LMNB2: variants seen among roughly 807,000 people sequenced by gnomAD.
The protein encoded by LMNB2 is lamin B2.
In LMNB2, 17 loss-of-function variants were observed where a neutral mutation model predicts 69.3. The observed-to-expected ratio is 0.25, with a 90% CI of 0.17 to 0.37. The LOEUF (loss-of-function observed/expected upper bound fraction) is 0.37, where lower values mean the gene tolerates loss of function less well. Among genes scored for constraint, LMNB2 ranks in the 10% least tolerant of loss-of-function variants. The probability of loss-of-function intolerance (pLI) is 1.00; values close to 1 mark genes in which losing one functional copy is unlikely to be tolerated. For synonymous variants in LMNB2, 397 were observed against 389.3 expected (o/e 1.02, Z -0.23); for missense variants, 789 against 883.6 (o/e 0.89, Z 1.36).
chr19:2,455,751 C>T (rs1041611676), intron 1 of LMNB2, among the ~76,000 whole-genome samples: 56 of 151,860 alleles, frequency 3.7e-4, no homozygotes, highest in African/African-American at 1.3e-3. Context: ...CAAGGGGTCC[C>T]CCAAGATCTC....
chr19:2,451,689 C>G (rs747011363), intron 1 of LMNB2, among the ~76,000 whole-genome samples: 1 of 152,206 alleles, frequency 6.6e-6, no homozygotes, highest in South Asian at 2.1e-4. Context: ...ACATGTGGGC[C>G]TGGCAGGGCT....
At chr19:2,450,564 G>C (rs1421189232) in intron 1 of LMNB2, among the ~76,000 whole-genome samples, 1 of 151,808 alleles carries the variant, frequency 6.6e-6, no homozygotes, top group Non-Finnish European at 1.5e-5. Context: ...GATCACCTGA[G>C]GTCAGGAATT....
At chr19:2,455,257 C>A (rs144139163) in intron 1 of LMNB2, among the ~76,000 whole-genome samples, 22 of 152,154 alleles carry the variant, frequency 1.4e-4, no homozygotes, top group African/African-American at 5.1e-4. Flanking sequence ...ACCCCAGAGA[C>A]TCCAGGGAGA....
At chr19:2,454,540 G>T (rs1412986909) in intron 1 of LMNB2, among the ~76,000 whole-genome samples, 4 of 152,080 alleles carry the variant, frequency 2.6e-5, no homozygotes, top group African/African-American at 7.2e-5. Flanking sequence ...GAGGGTAAGC[G>T]ACTAGCCCAA....
intron 1 of LMNB2, among the ~76,000 whole-genome samples, chr19:2,449,017 T>A (rs983296015): frequency 3.3e-5 from 5 of 152,116 alleles, no homozygotes; most frequent in African/African-American, 1.2e-4. Flanking sequence ...GCTGCCCCAA[T>A]AGCTGGGACT....
rs1599328962 is a variant in LMNB2 at position 2,430,935 on chromosome 19, G to A, written c.1839C>T (p.Thr613=). The A allele has an allele frequency of 6.2e-7, 1 of 1,609,860 alleles. No homozygotes were observed. Among genetic ancestry groups the A allele is most frequent in the Non-Finnish European group, 8.5e-7 (1 of 1,176,326 alleles). The part of the protein sequence containing the change: ...LFHQQGDPRT[T]SRGCYVM ...TTCACATCACGTAGCAGCCTCTTGA[G>A]GTGGTCCTCGGGTCCCCCTGCAGGA... The change falls in exon 12 of 12, where the codon ACC becomes ACT. Residue 613 remains threonine, a synonymous_variant. Transcript: ENST00000325327.
Position 2,431,532 on chromosome 19 carries a change from G to A in LMNB2, c.1821+16C>T, listed in dbSNP as rs1381863770. 8 of 1,613,812 alleles carry A rather than the reference G, an allele frequency of 5.0e-6. No individual in the cohort carries two copies. Among genetic ancestry groups the A allele is most frequent in the African/African-American group, 1.3e-5 (1 of 74,918 alleles). ...AGAGGCTGCCCCCCAGCCGCAAGTG[G>A]GCACAGGGGTCCTACCTGTTGGTGG... On this transcript the variant is annotated intron_variant, in intron 11 of 11. Coordinates refer to ENST00000325327, the MANE Select transcript of LMNB2 (RefSeq NM_032737.4).
rs1005357383 is a variant in LMNB2, at chr19:2,430,538, C to G, written c.*373G>C. 1.1e-5 allele frequency: 4 copies of G among 359,830 alleles called. No individual in the cohort carries two copies. The highest frequency in any genetic ancestry group is 2.1e-5 in the Non-Finnish European group (4 of 186,794). 22.3% of individuals were successfully genotyped at this position (359,830 alleles called of 1,614,324 possible). The stretch of plus-strand genomic sequence containing the variant: ...AAAAAAACCCACCACCACTGAATTC[C>G]TACGCAGTTTCCGCGCTCCGTCCGC... On this transcript the variant is annotated 3_prime_UTR_variant, in exon 12 of 12. Transcript: ENST00000325327.
chr19:2,432,393 C>T (rs376507557), intron 9 of LMNB2, 23 bp downstream of exon 9: 79 of 1,598,882 alleles, frequency 4.9e-5, no homozygotes, highest in Non-Finnish European at 6.1e-5. Context: ...TGGCCACCCT[C>T]GCCCTCCTGC....
intron 2 of LMNB2, among the ~76,000 whole-genome samples, chr19:2,442,412 T>TA (rs575199400): frequency 3.4e-4 from 51 of 151,848 alleles, no homozygotes; most frequent in South Asian, 6.2e-4. Flanking sequence ...GCCAACTTGG[T>TA]AAAAAAATTA....
Position 2,438,466 on chromosome 19 carries a change from A to G in LMNB2, c.467T>C (p.Phe156Ser). The change falls in exon 3 of 12, where the codon TTC becomes TCC. Residue 156 changes from phenylalanine to serine, a missense_variant. By Grantham distance (155) the Phe-to-Ser change is radical. Coordinates refer to ENST00000325327, the MANE Select transcript of LMNB2 (RefSeq NM_032737.4). The stretch of plus-strand genomic sequence containing the variant: ...TGCCAGCTCCACCTCGCTCCGGTGG[A>G]ACAGGGACTCCAGGTCCTTCACACG... ...QGRVKDLESLFHRSEVELAAA... is the reference protein window; with the variant it reads ...QGRVKDLESLSHRSEVELAAA... The G allele has an allele frequency of 1.9e-6, 3 of 1,612,190 alleles. No homozygotes were observed. The highest frequency in any genetic ancestry group is 2.5e-6 in the Non-Finnish European group (3 of 1,179,868).
intron 4 of LMNB2, among the ~76,000 whole-genome samples, chr19:2,436,292 A>G (rs1410903919): frequency 5.3e-5 from 8 of 152,174 alleles, no homozygotes; most frequent in African/African-American, 1.9e-4. Context: ...CAAAAGAAAA[A>G]AATTAGCTGG....
At chr19:2,456,416 C>A (rs1972090048) in intron 1 of LMNB2, among the ~76,000 whole-genome samples, 1 of 150,292 alleles carries the variant, frequency 6.7e-6, no homozygotes, top group Admixed American at 6.6e-5. Flanking sequence ...CCCTCGAAAC[C>A]CCCTGGAGAC....
chr19:2,432,380 C>A (rs1228030870), intron 9 of LMNB2, 36 bp downstream of exon 9: 1 of 1,361,856 alleles, frequency 7.3e-7, no homozygotes, highest in Non-Finnish European at 1.0e-6. Context: ...CACACCCCAT[C>A]CGTGGCCACC....
rs57521499 is a variant in LMNB2 at position 2,434,029 on chromosome 19, C to T, written c.1279G>A (p.Ala427Thr). The stretch of plus-strand genomic sequence containing the variant: ...TTACTGCGGCCCAGGCGCCCGGTGG[C>T]GGACAAGCTGCCGCTGCTGCTCGAG... ...ATSSSSGSLS[A>T]TGRLGRSKRK... is the part of the protein sequence containing the mutation. The change falls in exon 8 of 12, where the codon GCC (alanine) becomes ACC (threonine). Residue 427 changes from alanine to threonine, a missense_variant. By Grantham distance (58) the Ala-to-Thr change is moderately conservative. Transcript: ENST00000325327. 4.7e-5 allele frequency: 75 copies of T among 1,603,470 alleles called. No homozygotes were observed. Among genetic ancestry groups the T allele is most frequent in the Admixed American group, 1.5e-4 (9 of 58,620 alleles).
intron 2 of LMNB2, among the ~76,000 whole-genome samples, chr19:2,442,201 T>TACCC (rs1971907057): frequency 6.6e-6 from 1 of 152,166 alleles, no homozygotes; most frequent in African/African-American, 2.4e-5. Context: ...CTCATACCTA[T>TACCC]ACCCAGTGCT....
chr19:2,456,711 G>A lies in LMNB2; in HGVS notation c.223C>T (p.Leu75=), dbSNP rs1167428921. 3 of 1,561,944 alleles carry A rather than the reference G, an allele frequency of 1.9e-6. No homozygotes were observed. The highest frequency in any genetic ancestry group is 1.4e-5 in the African/African-American group (1 of 70,616). The part of the protein sequence containing the change: ...RALELENDRL[L]LKISEKEEVT... The stretch of plus-strand genomic sequence containing the variant: ...TCCTCCTTCTCTGAGATCTTGAGCA[G>A]GAGCCGGTCGTTCTCCAGCTCCAGC... The change falls in exon 1 of 12, where the codon CTG becomes TTG. Residue 75 remains leucine, a synonymous_variant. Coordinates refer to ENST00000325327, the MANE Select transcript of LMNB2 (RefSeq NM_032737.4).
At position 2,431,491 on chromosome 19, in the gene LMNB2, G is replaced by A. The variant is rs773301338; in HGVS notation, c.1821+57C>T. 2.5e-5 allele frequency: 40 copies of A among 1,610,546 alleles called. No individual in the cohort carries two copies. In the South Asian group the frequency reaches 2.6e-4, roughly 11 times the overall value. ...AGCACGCATGTGTATGTGTGTGCAC[G>A]AGCTCACTCTGCCCCAGAGGCTGCC... On this transcript the variant is annotated intron_variant, in intron 11 of 11. Coordinates refer to ENST00000325327, the MANE Select transcript of LMNB2 (RefSeq NM_032737.4).
rs267607650 is a variant in LMNB2 at position 2,444,546 on chromosome 19, G to A, written c.265-6C>T. The A allele has an allele frequency of 3.8e-4, 615 of 1,608,482 alleles. 2 individuals carry two copies. The highest frequency in any genetic ancestry group is 5.1e-4 in the Non-Finnish European group (596 of 1,179,986). On this transcript the variant is annotated splice_polypyrimidine_tract_variant and splice_region_variant and intron_variant, in intron 1 of 11. Transcript: ENST00000325327. ...AGCGCCTTGATGCCACTCACCTGGG[G>A]AGACCCAGGACAGGGTGAAGCGAGA...
Sources: gnomAD v4.1 joint callset for allele counts (sites outside exome capture counted in the v4.1 genomes callset) on GRCh38, gnomAD v4.1.1 for gene constraint, MANE v1.5 for transcripts, NCBI Gene and HGNC (gene_info 2026-07-23, HGNC 2026-07-21) for gene names.